Variants in VAT1L observed in about 807,000 individuals in gnomAD.
VAT1L encodes the protein vesicle amine transport 1 like, also known as putative NADPH-dependent quinone oxidoreductase VAT1L.
VAT1L carries 34 observed loss-of-function variants against 44.1 expected under a neutral mutation model. The observed-to-expected ratio is 0.77, with a 90% confidence interval of 0.59 to 1.03. VAT1L has a LOEUF of 1.03. Among genes scored for constraint, VAT1L ranks in the 50% least tolerant of loss-of-function variants. The pLI is 0.00. For synonymous variants in VAT1L, 253 were observed against 202.2 expected (o/e 1.25, Z -2.13); for missense variants, 615 against 538.8 (o/e 1.14, Z -1.40).
chr16:77,924,817 CCT>C lies in VAT1L; in HGVS notation c.1077+40018_1077+40019del, dbSNP rs1188229015. Among the ~76,000 whole-genome samples, 7 of 152,220 alleles carry C rather than the reference CCT, an allele frequency of 4.6e-5. No homozygotes were observed. In the East Asian group the frequency reaches 1.2e-3, roughly 25 times the overall value. On this transcript the variant is annotated intron_variant, in intron 7 of 8. Transcript: ENST00000302536. The stretch of plus-strand genomic sequence containing the variant: ...GACTCCAAGACCTTCAATTTTTCCC[CCT>C]CTGTCTAGCAGGGTAATGTCTCAAG...
intron 8 of VAT1L, among the ~76,000 whole-genome samples, chr16:77,975,228 TA>T (rs2018325056): frequency 3.4e-5 from 3 of 89,048 alleles, no homozygotes; most frequent in Admixed American, 1.5e-4. Flanking sequence ...TTTTTTTTTT[TA>T]AAGACAGTCT....
intron 7 of VAT1L, among the ~76,000 whole-genome samples, chr16:77,966,940 A>G (rs1331941121): frequency 1.5e-5 from 1 of 67,548 alleles, no homozygotes; most frequent in Non-Finnish European, 3.6e-5. Flanking sequence ...TTTAAAAAAA[A>G]AAAAAAAAAA....
intron 1 of VAT1L, among the ~76,000 whole-genome samples, chr16:77,809,251 ACACT>A (rs558523263): frequency 9.0e-4 from 137 of 152,324 alleles, no homozygotes; most frequent in African/African-American, 3.3e-3. Flanking sequence ...AACTGAAATG[ACACT>A]CAACACCATG....
intron 1 of VAT1L, among the ~76,000 whole-genome samples, chr16:77,802,970 G>T (rs761767544): frequency 1.3e-5 from 2 of 152,228 alleles, no homozygotes; most frequent in African/African-American, 4.8e-5. Context: ...CGGCAGCCCA[G>T]CAATGATTTC....
chr16:77,967,547 G>T (rs954206459), intron 7 of VAT1L, among the ~76,000 whole-genome samples: 6 of 152,128 alleles, frequency 3.9e-5, no homozygotes, highest in Admixed American at 2.6e-4. Context: ...TACTTAAATG[G>T]CCTCTTGGAA....
At chr16:77,963,393 T>A in intron 7 of VAT1L, among the ~76,000 whole-genome samples, 1 of 152,198 alleles carries the variant, frequency 6.6e-6, no homozygotes. Context: ...ATGCAAGGGC[T>A]TCTTCTAAAG....
intron 8 of VAT1L, among the ~76,000 whole-genome samples, chr16:77,973,046 T>C (rs1413639004): frequency 6.6e-6 from 1 of 151,240 alleles, no homozygotes; most frequent in Admixed American, 6.6e-5. Flanking sequence ...CCACCAGGAG[T>C]ATAGCATGTC....
chr16:77,955,181 T>G (rs976264718), intron 7 of VAT1L, among the ~76,000 whole-genome samples: 1 of 152,144 alleles, frequency 6.6e-6, no homozygotes, highest in African/African-American at 2.4e-5. Flanking sequence ...CATGGAGCAA[T>G]GGGAGGGGAG....
At chr16:77,894,094 G>A (rs1469896151) in intron 7 of VAT1L, among the ~76,000 whole-genome samples, 1 of 152,136 alleles carries the variant, frequency 6.6e-6, no homozygotes, top group African/African-American at 2.4e-5. Flanking sequence ...AGGCAGTTTG[G>A]CTCTCGAGTC....
intron 3 of VAT1L, among the ~76,000 whole-genome samples, chr16:77,830,065 T>C (rs1313557009): frequency 6.6e-6 from 1 of 152,102 alleles, no homozygotes; most frequent in East Asian, 1.9e-4. Context: ...GAACATGAGA[T>C]GCGCCTCTAT....
In VAT1L at chr16:77,843,673, T is replaced by A. The variant is rs112615042; in HGVS notation, c.579+18212T>A. On this transcript the variant is annotated intron_variant, in intron 3 of 8. Transcript: ENST00000302536. ...CATCCCCACGATGAGAAAAAGGCTGTATTCAGTGCAGACCTGGACCCCCCT... is the reference window on the plus strand; with the variant it reads ...CATCCCCACGATGAGAAAAAGGCTGAATTCAGTGCAGACCTGGACCCCCCT... Among the ~76,000 whole-genome samples the A allele has an allele frequency of 4.5e-3, 682 of 152,292 alleles. 3 individuals are homozygous for A. Among genetic ancestry groups the A allele is most frequent in the African/African-American group, 0.016 (649 of 41,556 alleles).
At position 77,888,643 on chromosome 16, in the gene VAT1L, C is replaced by G. The variant is rs868404864; in HGVS notation, c.1077+3841C>G. On this transcript the variant is annotated intron_variant, in intron 7 of 8. Coordinates refer to ENST00000302536, the MANE Select transcript of VAT1L (RefSeq NM_020927.3). ...AATTTTTTTGCTGGGTAGGGAGGGA[C>G]TGCCCTGCGCACTGTAGAATGGTGA... 2.0e-5 allele frequency among the ~76,000 whole-genome samples: 3 copies of G among 152,326 alleles called. No individual in the cohort carries two copies. The South Asian group carries it at 6.2e-4, about 32-fold the overall frequency.
intron 3 of VAT1L, among the ~76,000 whole-genome samples, chr16:77,856,606 G>A (rs779613497): frequency 7.2e-5 from 11 of 152,120 alleles, no homozygotes; most frequent in Non-Finnish European, 1.5e-4. Context: ...ATATATTTCA[G>A]GGACCTAAAT....
In VAT1L at chr16:77,876,417, A is replaced by T. The variant is rs752713958; in HGVS notation, c.770A>T (p.Asp257Val). The T allele has an allele frequency of 6.2e-7, 1 of 1,614,182 alleles. No individual in the cohort carries two copies. Among genetic ancestry groups the T allele is most frequent in the Non-Finnish European group, 8.5e-7 (1 of 1,180,024 alleles). Reference protein sequence around the residue: ...VDIVLDCLCGDNTGKGLSLLK... With the variant: ...VDIVLDCLCGVNTGKGLSLLK... ...ATCGTTTTGGATTGCCTCTGTGGGG[A>T]CAACACTGGAAAAGGTCTCAGTCTT... is the stretch of plus-strand genomic sequence containing the variant. The change falls in exon 5 of 9, where the codon GAC becomes GTC. Residue 257 changes from aspartate (D) to valine (V), a missense_variant. Transcript: ENST00000302536.
intron 7 of VAT1L, among the ~76,000 whole-genome samples, chr16:77,905,891 G>A (rs1381873238): frequency 6.6e-6 from 1 of 152,254 alleles, no homozygotes; most frequent in African/African-American, 2.4e-5. Flanking sequence ...GTCAGATCTA[G>A]GAGGTTTACG....
chr16:77,923,223 G>C (rs2017631313), intron 7 of VAT1L, among the ~76,000 whole-genome samples: 1 of 152,164 alleles, frequency 6.6e-6, no homozygotes, highest in South Asian at 2.1e-4. Flanking sequence ...GGCCAAGGTG[G>C]GTGGATCATG....
intron 2 of VAT1L, among the ~76,000 whole-genome samples, chr16:77,819,561 T>C (rs1429295219): frequency 6.6e-6 from 1 of 152,132 alleles, no homozygotes; most frequent in Non-Finnish European, 1.5e-5. Flanking sequence ...TTTTGTATTT[T>C]TAGTAAAGAC....
intron 7 of VAT1L, among the ~76,000 whole-genome samples, chr16:77,959,795 G>A (rs769677787): frequency 2.6e-5 from 4 of 152,180 alleles, no homozygotes; most frequent in Non-Finnish European, 5.9e-5. Flanking sequence ...CACTCACGTA[G>A]GTGAGGGGAG....
rs369948232 is a variant in VAT1L, at chr16:77,948,945, C to T, written c.1078-22905C>T. On this transcript the variant is annotated intron_variant, in intron 7 of 8. Transcript: ENST00000302536. Reference sequence around the variant, plus strand: ...GCACTCAGCTGGTGTGCTAAGGGGTCGGTGTCAGCCATTAAAATCACTGTC... The same window carrying T: ...GCACTCAGCTGGTGTGCTAAGGGGTTGGTGTCAGCCATTAAAATCACTGTC... 2.6e-4 allele frequency among the ~76,000 whole-genome samples: 40 copies of T among 152,236 alleles called. 1 individual carries two copies. The highest frequency in any genetic ancestry group is 8.4e-4 in the African/African-American group (35 of 41,536).
Sources: gnomAD v4.1 joint callset for allele counts (sites outside exome capture counted in the v4.1 genomes callset) on GRCh38, gnomAD v4.1.1 for gene constraint, MANE v1.5 for transcripts, NCBI Gene and HGNC (gene_info 2026-07-23, HGNC 2026-07-21) for gene names.